The following PRKG1 variants were observed in gnomAD, a reference collection of about 807,000 sequenced individuals.
PRKG1 encodes the protein cGMP-dependent protein kinase 1.
Under a neutral mutation model 88.1 loss-of-function variants are expected in PRKG1, and 35 were observed. The ratio of observed to expected loss-of-function variants is 0.40; its 90% CI spans 0.30 to 0.53. PRKG1 has a LOEUF of 0.53. Among genes scored for constraint, PRKG1 ranks in the 20% least tolerant of loss-of-function variants. The pLI, the probability that PRKG1 is intolerant of heterozygous loss-of-function variation, is 0.59. For synonymous variants in PRKG1, 303 were observed against 292.5 expected (o/e 1.04, Z -0.37); for missense variants, 540 against 839.8 (o/e 0.64, Z 4.41).
intron 5 of PRKG1, among the ~76,000 whole-genome samples, chr10:52,000,178 C>T (rs938118802): frequency 6.6e-6 from 1 of 151,910 alleles, no homozygotes; most frequent in Non-Finnish European, 1.5e-5. Context: ...CAGGATGATA[C>T]ATATTTGACT....
intron 2 of PRKG1, among the ~76,000 whole-genome samples, chr10:51,438,563 C>T (rs7919453): frequency 0.31 from 46,426 of 151,458 alleles, 7,827 homozygotes; most frequent in African/African-American, 0.43. Context: ...CATGATGAAA[C>T]CAGGGTTATA....
At chr10:51,907,647 G>A (rs1343042492) in intron 5 of PRKG1, 77 bp downstream of exon 5, 2 of 1,282,288 alleles carry the variant, frequency 1.6e-6, no homozygotes, top group Non-Finnish European at 2.2e-6. Context: ...GCTGTGTGAT[G>A]AGGAATCACA....
chr10:51,045,231 A>G (rs1843472301), intron 1 of PRKG1, among the ~76,000 whole-genome samples: 1 of 152,226 alleles, frequency 6.6e-6, no homozygotes, highest in African/African-American at 2.4e-5. Context: ...ACTGAATTAT[A>G]TCAGGCAATC....
chr10:51,325,531 G>A (rs1841567476), intron 2 of PRKG1, among the ~76,000 whole-genome samples: 1 of 152,132 alleles, frequency 6.6e-6, no homozygotes, highest in East Asian at 1.9e-4. Context: ...CTTGTCAGAT[G>A]GATAGTTTAC....
chr10:51,575,421 C>T (rs907058280), intron 3 of PRKG1, among the ~76,000 whole-genome samples: 28 of 152,004 alleles, frequency 1.8e-4, no homozygotes, highest in African/African-American at 5.5e-4. Context: ...TTTGCTACAA[C>T]GACTGAGATC....
At chr10:51,630,497 C>T (rs978674035) in intron 3 of PRKG1, among the ~76,000 whole-genome samples, 1 of 152,170 alleles carries the variant, frequency 6.6e-6, no homozygotes, top group African/African-American at 2.4e-5. Flanking sequence ...GTTCAGATTT[C>T]CCGATAGACT....
chr10:52,212,862 A>G (rs1186554077), intron 9 of PRKG1, among the ~76,000 whole-genome samples: 1 of 152,212 alleles, frequency 6.6e-6, no homozygotes, highest in East Asian at 1.9e-4. Context: ...TTCCTATTAA[A>G]AAGTCAAATT....
intron 8 of PRKG1, among the ~76,000 whole-genome samples, chr10:52,152,033 G>T (rs1158238543): frequency 1.3e-5 from 2 of 152,108 alleles, no homozygotes; most frequent in African/African-American, 4.8e-5. Context: ...GTATTAGGAT[G>T]CTAGGCATTC....
At chr10:51,818,798 G>T (rs1378960638) in intron 4 of PRKG1, among the ~76,000 whole-genome samples, 1 of 100,182 alleles carries the variant, frequency 1.0e-5, no homozygotes, top group Non-Finnish European at 1.8e-5. Flanking sequence ...ACGAGGTCAG[G>T]AGATCGAGAC....
rs1342256270 is a variant in PRKG1, at chr10:51,037,538, C to G, written c.266+45894C>G. Among the ~76,000 whole-genome samples, 3 of 151,708 alleles carry G rather than the reference C, an allele frequency of 2.0e-5. No individual in the cohort carries two copies. The East Asian group carries it at 5.9e-4, about 30-fold the overall frequency. On this transcript the variant is annotated intron_variant, in intron 1 of 17. Coordinates refer to the PRKG1 transcript ENST00000401604. ...GTGGCTCATGCCTGTAATCCCAGCA[C>G]TTTGGGAGGCTGAGGCAGGCAGATC...
chr10:50,997,770 C>G (rs922165617), intron 1 of PRKG1, among the ~76,000 whole-genome samples: 9 of 151,978 alleles, frequency 5.9e-5, no homozygotes, highest in Non-Finnish European at 1.2e-4. Flanking sequence ...GAATACTGAC[C>G]TTGAGTCTAG....
chr10:52,004,325 A>T (rs529311948), intron 5 of PRKG1, among the ~76,000 whole-genome samples: 1 of 152,346 alleles, frequency 6.6e-6, no homozygotes, highest in East Asian at 1.9e-4. Context: ...AGTTACTTGC[A>T]TTGTTGAAAA....
rs10995488 is a variant in PRKG1, at chr10:51,047,708, C to T, written c.266+56064C>T. On this transcript the variant is annotated intron_variant, in intron 1 of 17. Transcript: ENST00000401604. ...TCAGGCAATCCCCACCACTCCCTATCATCCCTGGGGCCAAGTTTCAGTTGG... is the reference window on the plus strand; with the variant it reads ...TCAGGCAATCCCCACCACTCCCTATTATCCCTGGGGCCAAGTTTCAGTTGG... Among the ~76,000 whole-genome samples, 137 of 151,640 alleles carry T rather than the reference C, an allele frequency of 9.0e-4. 6 individuals are homozygous for T. In the East Asian group the frequency reaches 0.022, roughly 25 times the overall value.
intron 3 of PRKG1, among the ~76,000 whole-genome samples, chr10:51,534,503 C>T (rs61849824): frequency 0.055 from 8,324 of 151,462 alleles, 347 homozygotes; most frequent in Middle Eastern, 0.085. Context: ...CTCGTCTCTC[C>T]TAAAAATACA....
At chr10:51,681,942 A>G (rs901712153) in intron 3 of PRKG1, among the ~76,000 whole-genome samples, 1 of 152,188 alleles carries the variant, frequency 6.6e-6, no homozygotes, top group Non-Finnish European at 1.5e-5. Context: ...TATATATATA[A>G]CATTTTAACA....
At chr10:51,445,594 G>C (rs1274876798) in intron 2 of PRKG1, among the ~76,000 whole-genome samples, 1 of 151,898 alleles carries the variant, frequency 6.6e-6, no homozygotes, top group African/African-American at 2.4e-5. Flanking sequence ...TCATCAAGTA[G>C]TTAATTTGTA....
At chr10:51,186,402 A>G (rs1837488195) in intron 2 of PRKG1, among the ~76,000 whole-genome samples, 1 of 149,000 alleles carries the variant, frequency 6.7e-6, no homozygotes, top group Non-Finnish European at 1.5e-5. Flanking sequence ...GGTTCCTTCC[A>G]TTTTTTTCTT....
intron 2 of PRKG1, among the ~76,000 whole-genome samples, chr10:51,437,814 T>C (rs1185454082): frequency 6.7e-6 from 1 of 150,100 alleles, no homozygotes; most frequent in Non-Finnish European, 1.5e-5. Context: ...CATTTTTGAT[T>C]GTTACAACTG....
At chr10:51,768,289 A>G (rs1477702846) in intron 3 of PRKG1, among the ~76,000 whole-genome samples, 1 of 152,150 alleles carries the variant, frequency 6.6e-6, no homozygotes, top group East Asian at 1.9e-4. Flanking sequence ...GGTTTTTCAT[A>G]AGCTAAGAGT....
Sources: allele counts gnomAD v4.1 joint callset (sites outside exome capture counted in the v4.1 genomes callset), GRCh38; gene constraint gnomAD v4.1.1; transcripts MANE v1.5; gene names NCBI Gene and HGNC (gene_info 2026-07-23, HGNC 2026-07-21).